HSF2BP: variants seen among roughly 807,000 people sequenced by gnomAD.
HSF2BP encodes the protein heat shock factor 2-binding protein.
Under a neutral mutation model 35.0 loss-of-function variants are expected in HSF2BP, and 35 were observed. The ratio of observed to expected loss-of-function variants is 1.00; its 90% confidence interval spans 0.76 to 1.32. The LOEUF is 1.32. HSF2BP is among the 40% of genes most tolerant of loss of function. The probability of loss-of-function intolerance (pLI) is 0.00; values close to 1 mark genes in which losing one functional copy is unlikely to be tolerated. For synonymous variants in HSF2BP, 114 were observed against 117.4 expected, an observed-to-expected ratio of 0.97 and a Z score of 0.18; for missense variants, 326 against 321.7, an observed-to-expected ratio of 1.01 and a Z score of -0.10.
At chr21:43,652,909 C>T (rs993528030) in intron 3 of HSF2BP, among the ~76,000 whole-genome samples, 1 of 152,030 alleles carries the variant, frequency 6.6e-6, no homozygotes, top group Non-Finnish European at 1.5e-5. Context: ...CCGAGGCGGG[C>T]AGATCACCTG....
intron 3 of HSF2BP, among the ~76,000 whole-genome samples, chr21:43,645,581 A>G (rs1178903856): frequency 6.6e-6 from 1 of 152,212 alleles, no homozygotes; most frequent in Non-Finnish European, 1.5e-5. Context: ...TTCTTTACAC[A>G]TTCCCTCTCC....
chr21:43,633,508 A>G, intron 4 of HSF2BP, 87 bp from the exon 5 acceptor site: 3 of 1,121,200 alleles, frequency 2.7e-6, no homozygotes, highest in Non-Finnish European at 3.7e-6. Flanking sequence ...AAAGATATTT[A>G]TTAAAGAAAT....
intron 3 of HSF2BP, among the ~76,000 whole-genome samples, chr21:43,645,950 A>G (rs2082703105): frequency 6.6e-6 from 1 of 152,180 alleles, no homozygotes; most frequent in Admixed American, 6.5e-5. Flanking sequence ...TAGAAGAAAA[A>G]TTAGAACCTA....
intron 8 of HSF2BP, among the ~76,000 whole-genome samples, chr21:43,576,551 T>C (rs1028584517): frequency 6.6e-6 from 1 of 152,208 alleles, no homozygotes; most frequent in African/African-American, 2.4e-5. Flanking sequence ...TCATGTACAG[T>C]CTACACAACA....
chr21:43,625,192 C>T (rs1435124299), intron 6 of HSF2BP, among the ~76,000 whole-genome samples: 2 of 152,034 alleles, frequency 1.3e-5, no homozygotes, highest in East Asian at 3.9e-4. Flanking sequence ...AGATAATTTA[C>T]CAAAATCACA....
chr21:43,588,886 T>C (rs1347201065), intron 8 of HSF2BP, among the ~76,000 whole-genome samples: 2 of 152,132 alleles, frequency 1.3e-5, no homozygotes, highest in Admixed American at 6.5e-5. Context: ...GTGTTGTCAA[T>C]GGAGTACAAG....
At position 43,592,327 on chromosome 21, in the gene HSF2BP, G is replaced by C. The variant is rs1568894418; in HGVS notation, c.694C>G (p.Leu232Val). The change falls in exon 8 of 9, where the codon CTA becomes GTA. Residue 232 changes from leucine to valine, a missense_variant and splice_region_variant. Physicochemically the swap from Leu to Val is conservative, Grantham distance 32. Transcript: ENST00000291560. ...ACATTGTATAGGGACATCAGCATTA[G>C]CCTGAAATGTAAAAGAAAAAGGTGT... ...KPGQCTKLKV[L>V]MLMSLYNVSI... 1.2e-6 allele frequency: 2 copies of C among 1,604,174 alleles called. No homozygotes were observed. The highest frequency in any genetic ancestry group is 2.2e-5 in the East Asian group (1 of 44,824).
At chr21:43,605,754 TATAC>T (rs1451739404) in intron 7 of HSF2BP, among the ~76,000 whole-genome samples, 1 of 141,342 alleles carries the variant, frequency 7.1e-6, no homozygotes, top group African/African-American at 2.7e-5. Context: ...CCCCAACATA[TATAC>T]ACACACACCA....
the HSF2BP span, among the ~76,000 whole-genome samples, chr21:43,467,953 CCACACTTACACCACA>C: frequency 2.4e-4 from 22 of 92,592 alleles, no homozygotes; most frequent in Admixed American, 5.2e-4. Flanking sequence ...ACCACACACA[CCACACTTACACCACA>C]CACACACCAC....
chr21:43,632,605 C>T (rs1032945908), intron 5 of HSF2BP, among the ~76,000 whole-genome samples: 1 of 152,168 alleles, frequency 6.6e-6, no homozygotes, highest in African/African-American at 2.4e-5. Context: ...CCTCCCCTTC[C>T]ACCTCCTCCA....
chr21:43,602,877 C>T (rs1343669167), intron 7 of HSF2BP, among the ~76,000 whole-genome samples: 2 of 152,170 alleles, frequency 1.3e-5, no homozygotes, highest in East Asian at 1.9e-4. Flanking sequence ...TCTCCTCACT[C>T]GGGATGAAGA....
At chr21:43,621,538 A>G (rs181660116) in intron 6 of HSF2BP, among the ~76,000 whole-genome samples, 17 of 152,246 alleles carry the variant, frequency 1.1e-4, no homozygotes, top group African/African-American at 3.9e-4. Flanking sequence ...GAAAAAAAAA[A>G]AAGAAGAAGA....
chr21:43,575,798 G>A (rs1285828888), intron 8 of HSF2BP, among the ~76,000 whole-genome samples: 1 of 152,158 alleles, frequency 6.6e-6, no homozygotes, highest in East Asian at 1.9e-4. Context: ...AAAAGACAGT[G>A]GTAAGTGCTA....
intron 8 of HSF2BP, among the ~76,000 whole-genome samples, chr21:43,579,054 T>C (rs879875441): frequency 2.6e-5 from 4 of 152,214 alleles, no homozygotes; most frequent in Non-Finnish European, 5.9e-5. Context: ...ATTTGACAAA[T>C]GCTAACTCCC....
At chr21:43,595,168 A>G (rs1413536313) in intron 7 of HSF2BP, among the ~76,000 whole-genome samples, 2 of 152,220 alleles carry the variant, frequency 1.3e-5, no homozygotes, top group Non-Finnish European at 2.9e-5. Context: ...AGGCTGAGGC[A>G]GGAGAATCTC....
chr21:43,651,774 G>T (rs781189296), intron 3 of HSF2BP, among the ~76,000 whole-genome samples: 30 of 152,058 alleles, frequency 2.0e-4, no homozygotes, highest in Non-Finnish European at 4.0e-4. Context: ...CACCGCCCTG[G>T]CCTAGAATAT....
intron 6 of HSF2BP, among the ~76,000 whole-genome samples, chr21:43,620,738 T>TCATCATCAC (rs1407598498): frequency 6.6e-6 from 1 of 151,848 alleles, no homozygotes; most frequent in African/African-American, 2.4e-5. Context: ...ATCACCATCA[T>TCATCATCAC]CACCATCATC....
chr21:43,585,088 C>T (rs1210253973), intron 8 of HSF2BP, among the ~76,000 whole-genome samples: 5 of 152,166 alleles, frequency 3.3e-5, no homozygotes, highest in African/African-American at 1.2e-4. Flanking sequence ...AGGAAGATCA[C>T]TTGAGACCAG....
intron 4 of HSF2BP, among the ~76,000 whole-genome samples, chr21:43,636,225 AAAG>A (rs1350923579): frequency 6.7e-5 from 5 of 74,448 alleles, no homozygotes; most frequent in African/African-American, 9.2e-5. Context: ...AAAGAAAAGA[AAAG>A]AAAAGAAAAG....
Sources: allele counts gnomAD v4.1 joint callset (sites outside exome capture counted in the v4.1 genomes callset), GRCh38; gene constraint gnomAD v4.1.1; transcripts MANE v1.5; gene names NCBI Gene and HGNC (gene_info 2026-07-23, HGNC 2026-07-21).